HEATR9: variants seen among roughly 807,000 people sequenced by gnomAD.
The protein encoded by HEATR9 is protein HEATR9.
HEATR9 carries 54 observed loss-of-function variants against 68.2 expected under a neutral mutation model. The ratio of observed to expected loss-of-function variants is 0.79; its 90% confidence interval spans 0.64 to 0.99. The LOEUF is 0.99. Among genes scored for constraint, HEATR9 ranks in the 50% least tolerant of loss-of-function variants. The pLI is 0.00. For missense variants in HEATR9, 662 were observed against 679.7 expected (o/e 0.97, Z 0.29); for synonymous variants, 241 against 253.5 (o/e 0.95, Z 0.47).
Position 35,863,989 on chromosome 17 carries a change from T to C in HEATR9, c.567+257A>G, listed in dbSNP as rs533004764. 23 of 562,116 alleles carry C rather than the reference T, an allele frequency of 4.1e-5. No individual in the cohort carries two copies. The South Asian group carries it at 4.8e-4, about 12-fold the overall frequency. 34.8% of individuals were successfully genotyped at this position (562,116 alleles called of 1,614,324 possible). On this transcript the variant is annotated intron_variant, in intron 6 of 14. Transcript: ENST00000604834. The stretch of plus-strand genomic sequence containing the variant: ...TGTACTCTGTTCTGGCTTTCAGACT[T>C]TCCTGGCTTTTCAGTCCAATGTCTT...
At position 35,855,309 on chromosome 17, in the gene HEATR9, C is replaced by T; in HGVS notation, c.1467G>A (p.Val489=). ...TCTGGAACCTTGTGGGCTCTGCCTT[C>T]ACATTGGTCTTAGGTGCCTCATATA... ...LSVYEAPKTN[V]KAEPTRFQKE... is the part of the protein sequence containing the mutation. The change falls in exon 15 of 15, where the codon GTG becomes GTA. Residue 489 remains valine, a synonymous_variant. Coordinates refer to ENST00000604834, the MANE Select transcript of HEATR9 (RefSeq NM_152781.4). 2 of 1,614,184 alleles carry T rather than the reference C, an allele frequency of 1.2e-6. No individual in the cohort carries two copies. The highest frequency in any genetic ancestry group is 1.3e-5 in the African/African-American group (1 of 75,050).
chr17:35,856,260 T>C, intron 12 of HEATR9, 36 bp from the exon 13 acceptor site: 1 of 1,613,848 alleles, frequency 6.2e-7, no homozygotes. Flanking sequence ...ATAGTTGAAT[T>C]AAGGAGTAGG....
In HEATR9 at chr17:35,854,966, T is replaced by C; in HGVS notation, c.*97A>G. On this transcript the variant is annotated 3_prime_UTR_variant, in exon 15 of 15. Transcript: ENST00000604834. Reference sequence around the variant, plus strand: ...AGAAATGTGGTAGGTAGAGTGACACTTGTTTATTCACGGAAGATAAGTATA... The same window carrying C: ...AGAAATGTGGTAGGTAGAGTGACACCTGTTTATTCACGGAAGATAAGTATA... 1 of 991,594 alleles carries C rather than the reference T, an allele frequency of 1.0e-6. No individual in the cohort carries two copies. Among genetic ancestry groups the C allele is most frequent in the Non-Finnish European group, 1.5e-6 (1 of 666,128 alleles). The allele number at this position is 991,594 out of a possible 1,614,324, so 61.4% of individuals were successfully genotyped here. A position where few individuals can be genotyped will look rare whatever the true frequency, so the allele number is the denominator to read the frequency against.
At chr17:35,858,126 A>G in intron 11 of HEATR9, 74 bp downstream of exon 11, 2 of 1,586,970 alleles carry the variant, frequency 1.3e-6, no homozygotes, top group Non-Finnish European at 1.7e-6. Context: ...GGTGGAGGCC[A>G]GGGGAGGTCT....
At chr17:35,856,037 G>A (rs143740703) in intron 13 of HEATR9, 136 bp downstream of exon 13, 25 of 966,216 alleles carry the variant, frequency 2.6e-5, no homozygotes, top group Admixed American at 6.7e-5. Flanking sequence ...GAAAAGGTTC[G>A]GTAGGGCTGG....
At chr17:35,859,138 C>T (rs963050931) in intron 8 of HEATR9, 68 bp from the exon 9 acceptor site, 1 of 1,303,550 alleles carries the variant, frequency 7.7e-7, no homozygotes, top group Non-Finnish European at 1.1e-6. Flanking sequence ...TGCTTCCAGA[C>T]TATATTCACC....
rs1294235525 is a variant in HEATR9, at chr17:35,865,922, TAAC to T, written c.139-529_139-527del. On this transcript the variant is annotated intron_variant, in intron 2 of 14. Coordinates refer to ENST00000604834, the MANE Select transcript of HEATR9 (RefSeq NM_152781.4). ...CAGTTATCCCTGCCCTCATGGAACT[TAAC>T]AGTTTAGCAGGGAAACAGACTTTCT... Among the ~76,000 whole-genome samples the T allele has an allele frequency of 2.0e-5, 3 of 152,298 alleles. No homozygotes were observed. In the East Asian group the frequency reaches 5.8e-4, roughly 29 times the overall value.
At chr17:35,856,307 G>A in intron 12 of HEATR9, 83 bp from the exon 13 acceptor site, 2 of 1,613,874 alleles carry the variant, frequency 1.2e-6, no homozygotes, top group Non-Finnish European at 1.7e-6. Flanking sequence ...TTCAGGTCCA[G>A]AGCGAATTAG....
intron 6 of HEATR9, chr17:35,863,903 T>A (rs1193358667): frequency 3.7e-6 from 2 of 535,916 alleles, no homozygotes; most frequent in East Asian, 6.2e-5. Context: ...ATATAAAGAA[T>A]GCATGTTCCC....
chr17:35,860,987 A>C, intron 8 of HEATR9: 1 of 554,250 alleles, frequency 1.8e-6, no homozygotes. Context: ...CCGAGGTTGC[A>C]GTGAGCCGAG....
Position 35,859,066 on chromosome 17 carries a change from G to A in HEATR9, c.761C>T (p.Thr254Ile). 1 of 1,614,014 alleles carries A rather than the reference G, an allele frequency of 6.2e-7. No individual in the cohort carries two copies. Among genetic ancestry groups the A allele is most frequent in the Non-Finnish European group, 8.5e-7 (1 of 1,179,904 alleles). ...SWAAVSKDKR[T>I]QVGDEGKLVP... ...CAGCTTGCCCTCATCCCCGACTTGA[G>A]TCCTCTGTGAGGGAGACAAAATGGC... Residue 254 changes from threonine to isoleucine, a missense_variant, in exon 9 of 15, where the codon ACT (threonine) becomes ATT (isoleucine). Transcript: ENST00000604834.
chr17:35,867,455 A>C (rs1347254782), intron 1 of HEATR9, among the ~76,000 whole-genome samples: 1 of 149,586 alleles, frequency 6.7e-6, no homozygotes, highest in Non-Finnish European at 1.5e-5. Flanking sequence ...AAAAAAAAAA[A>C]AGAGATAGCA....
At chr17:35,858,745 A>C in intron 9 of HEATR9, 143 bp downstream of exon 9, 1 of 951,138 alleles carries the variant, frequency 1.1e-6, no homozygotes, top group Non-Finnish European at 1.6e-6. Flanking sequence ...TGTCCATATG[A>C]CCCCATACTC....
intron 12 of HEATR9, 116 bp downstream of exon 12, chr17:35,856,616 C>G: frequency 1.1e-6 from 1 of 925,032 alleles, no homozygotes; most frequent in South Asian, 1.5e-5. Flanking sequence ...ACCTGCTGCA[C>G]TGTAGGTTCT....
In HEATR9 at chr17:35,858,534, G is replaced by A. The variant is rs770191012; in HGVS notation, c.940-9C>T. On this transcript the variant is annotated splice_polypyrimidine_tract_variant and intron_variant, in intron 9 of 14. Coordinates refer to ENST00000604834, the MANE Select transcript of HEATR9 (RefSeq NM_152781.4). Reference sequence around the variant, plus strand: ...ACCAGCATCCTAAGTGCCTATGAGGGGGCAGGGTAGGGCAGGGTGTACAGG... The same window carrying A: ...ACCAGCATCCTAAGTGCCTATGAGGAGGCAGGGTAGGGCAGGGTGTACAGG... 2 of 1,608,468 alleles carry A rather than the reference G, an allele frequency of 1.2e-6. No individual in the cohort carries two copies. Among genetic ancestry groups the A allele is most frequent in the South Asian group, 1.1e-5 (1 of 90,606 alleles).
At chr17:35,858,067 T>C in intron 11 of HEATR9, 133 bp downstream of exon 11, 1 of 1,285,950 alleles carries the variant, frequency 7.8e-7, no homozygotes, top group African/African-American at 1.5e-5. Context: ...TATAAAAACC[T>C]GGGCTGCATT....
intron 10 of HEATR9, 29 bp downstream of exon 10, chr17:35,858,404 A>G: frequency 1.2e-6 from 2 of 1,613,988 alleles, no homozygotes; most frequent in Non-Finnish European, 1.7e-6. Flanking sequence ...GTGCCGGGAA[A>G]GGAAGGGTTC....
chr17:35,856,038 G>A lies in HEATR9; in HGVS notation c.1278+135C>T, dbSNP rs1057164488. On this transcript the variant is annotated intron_variant, in intron 13 of 14. Coordinates refer to ENST00000604834, the MANE Select transcript of HEATR9 (RefSeq NM_152781.4). ...CCCCCAACCCTGAAGAAAAGGTTCGGTAGGGCTGGAATTCTAAAATAAACA... is the reference window on the plus strand; with the variant it reads ...CCCCCAACCCTGAAGAAAAGGTTCGATAGGGCTGGAATTCTAAAATAAACA... 11 of 980,990 alleles carry A rather than the reference G, an allele frequency of 1.1e-5. No homozygotes were observed. The Admixed American group carries it at 1.8e-4, about 16-fold the overall frequency. 60.8% of individuals were successfully genotyped at this position (980,990 alleles called of 1,614,324 possible).
intron 1 of HEATR9, among the ~76,000 whole-genome samples, chr17:35,867,323 T>C (rs894842557): frequency 6.7e-6 from 1 of 148,840 alleles, no homozygotes; most frequent in African/African-American, 2.5e-5. Flanking sequence ...TAGTCCCAGC[T>C]ACTTGAGAGG....
Sources: gnomAD v4.1 joint callset for allele counts (sites outside exome capture counted in the v4.1 genomes callset) on GRCh38, gnomAD v4.1.1 for gene constraint, MANE v1.5 for transcripts, NCBI Gene and HGNC (gene_info 2026-07-23, HGNC 2026-07-21) for gene names.